The following INPP5A variants were observed in gnomAD, a reference collection of about 807,000 sequenced individuals.
INPP5A encodes inositol polyphosphate-5-phosphatase A.
Under a neutral mutation model 65.2 loss-of-function variants are expected in INPP5A, and 14 were observed. The observed-to-expected ratio is 0.21, with a 90% confidence interval of 0.14 to 0.34. The LOEUF (loss-of-function observed/expected upper bound fraction) is 0.34, where lower values mean the gene tolerates loss of function less well. Ranked by LOEUF, INPP5A falls within the 10% of genes least tolerant of loss-of-function variation. The pLI, the probability that INPP5A is intolerant of heterozygous loss-of-function variation, is 1.00. For missense variants in INPP5A, 431 were observed against 545.6 expected, an observed-to-expected ratio of 0.79 and a Z score of 2.09; for synonymous variants, 207 against 208.3, an observed-to-expected ratio of 0.99 and a Z score of 0.05.
intron 7 of INPP5A, among the ~76,000 whole-genome samples, chr10:132,710,093 A>T (rs1466047411): frequency 1.3e-5 from 2 of 152,276 alleles, no homozygotes; most frequent in African/African-American, 2.4e-5. Context: ...TTTAAAGAAA[A>T]GTAGCTCACT....
intron 11 of INPP5A, among the ~76,000 whole-genome samples, chr10:132,750,311 C>T (rs1370662662): frequency 6.6e-6 from 1 of 152,200 alleles, no homozygotes; most frequent in African/African-American, 2.4e-5. Context: ...CACATGTGCA[C>T]GTGAGTGCGT....
At chr10:132,693,382 G>C (rs1425178032) in intron 5 of INPP5A, among the ~76,000 whole-genome samples, 1 of 152,140 alleles carries the variant, frequency 6.6e-6, no homozygotes, top group Non-Finnish European at 1.5e-5. Flanking sequence ...GAGACTGTCA[G>C]AGTGGATTAA....
Position 132,697,954 on chromosome 10 carries a change from T to G in INPP5A, c.474+35T>G, listed in dbSNP as rs1157159296. 2 of 1,395,592 alleles carry G rather than the reference T, an allele frequency of 1.4e-6. No individual in the cohort carries two copies. Among genetic ancestry groups the G allele is most frequent in the African/African-American group, 1.4e-5 (1 of 70,640 alleles). The allele number at this position is 1,395,592 out of a possible 1,614,324, so 86.5% of individuals were successfully genotyped here. On this transcript the variant is annotated intron_variant, in intron 6 of 15. Coordinates refer to ENST00000368594, the MANE Select transcript of INPP5A (RefSeq NM_005539.5). The surrounding 1 kb of genome is among the most constrained non-coding windows in gnomAD (Gnocchi z 5.6). ...GAGGCTTTCTCACTGACGTGTTTAC[T>G]TCTCAGAGTGAGCCAGTCAGAAGTG... is the stretch of plus-strand genomic sequence containing the variant.
chr10:132,758,670 C>T (rs1846676100), intron 11 of INPP5A, among the ~76,000 whole-genome samples: 1 of 152,362 alleles, frequency 6.6e-6, no homozygotes, highest in East Asian at 1.9e-4. Context: ...CCAGCTGACC[C>T]CAGCTCGGCT....
Position 132,749,877 on chromosome 10 carries a change from C to G in INPP5A, c.903+32C>G, listed in dbSNP as rs751870133. ...TTGTGGTCCAATGTGGCAGCTCCCC[C>G]GTCCTGGGACATCCACGCCCCCAGG... On this transcript the variant is annotated intron_variant, in intron 11 of 15. Coordinates refer to ENST00000368594, the MANE Select transcript of INPP5A (RefSeq NM_005539.5). 1.0e-5 allele frequency: 16 copies of G among 1,585,786 alleles called. No homozygotes were observed. In the African/African-American group the frequency reaches 1.7e-4, roughly 17 times the overall value.
At chr10:132,716,637 C>T (rs1043549446) in intron 8 of INPP5A, among the ~76,000 whole-genome samples, 2 of 152,212 alleles carry the variant, frequency 1.3e-5, no homozygotes, top group Non-Finnish European at 2.9e-5. Flanking sequence ...TGAACCCCAG[C>T]GTCACCACTG....
In INPP5A at chr10:132,587,745, T is replaced by C. The variant is rs1334527262; in HGVS notation, c.76-20170T>C. On this transcript the variant is annotated intron_variant, in intron 1 of 15. Transcript: ENST00000368594. This position sits in a 1 kb window ranked among gnomAD's most constrained non-coding sequence, Gnocchi z 4.3. The stretch of plus-strand genomic sequence containing the variant: ...TTGGCCGGGCATGGTGGCTCATGCC[T>C]GTAATCCCCCAGCACTTTGGGAGGC... 6.6e-6 allele frequency among the ~76,000 whole-genome samples: 1 copy of C among 152,194 alleles called. No individual in the cohort carries two copies. The highest frequency in any genetic ancestry group is 6.5e-5 in the Admixed American group (1 of 15,282).
intron 1 of INPP5A, among the ~76,000 whole-genome samples, chr10:132,584,788 T>C (rs1443939775): frequency 6.6e-6 from 1 of 152,194 alleles, no homozygotes; most frequent in African/African-American, 2.4e-5. Context: ...CAGGCTAGAG[T>C]GCAGTGGCCC....
At position 132,603,710 on chromosome 10, in the gene INPP5A, C is replaced by G. The variant is rs2071804137; in HGVS notation, c.76-4205C>G. The stretch of plus-strand genomic sequence containing the variant: ...TCATGATTCTTAGGCAGCCTCTCAG[C>G]TCCTGGGCCCCACTTGCTGATTTAA... On this transcript the variant is annotated intron_variant, in intron 1 of 15. Transcript: ENST00000368594. The surrounding 1 kb of genome is among the most constrained non-coding windows in gnomAD (Gnocchi z 4.2). Among the ~76,000 whole-genome samples, 1 of 152,188 alleles carries G rather than the reference C, an allele frequency of 6.6e-6. No homozygotes were observed. The highest frequency in any genetic ancestry group is 2.4e-5 in the African/African-American group (1 of 41,438).
intron 11 of INPP5A, among the ~76,000 whole-genome samples, chr10:132,754,332 G>A (rs1235569236): frequency 6.6e-6 from 1 of 152,256 alleles, no homozygotes; most frequent in African/African-American, 2.4e-5. Flanking sequence ...CGTGTCCAAT[G>A]AGGATGGAGG....
chr10:132,554,626 AC>A (rs1361517174), intron 1 of INPP5A, among the ~76,000 whole-genome samples: 2 of 150,304 alleles, frequency 1.3e-5, no homozygotes, highest in African/African-American at 4.9e-5. Context: ...CATGATTAGC[AC>A]TGATGTGGGT....
intron 1 of INPP5A, among the ~76,000 whole-genome samples, chr10:132,597,071 GTGTGTGCGTGTGTGTA>G (rs1374442706): frequency 6.6e-6 from 1 of 151,610 alleles, no homozygotes; most frequent in African/African-American, 2.4e-5. Context: ...GCTCCTGTAC[GTGTGTGCGTGTGTGTA>G]TGTGTGCATG....
rs905279794 is a variant in INPP5A, at chr10:132,663,964, C to A, written c.306+13459C>A. ...ACAGGCGTGATCGAGTGCCGTGTCA[C>A]ACGCAGCCCAGGAAACAAACACGCC... On this transcript the variant is annotated intron_variant, in intron 4 of 15. Coordinates refer to ENST00000368594, the MANE Select transcript of INPP5A (RefSeq NM_005539.5). The surrounding 1 kb of genome is among the most constrained non-coding windows in gnomAD (Gnocchi z 4.5). Among the ~76,000 whole-genome samples the A allele has an allele frequency of 2.0e-5, 3 of 152,260 alleles. No individual in the cohort carries two copies. The highest frequency in any genetic ancestry group is 2.9e-5 in the Non-Finnish European group (2 of 68,046).
intron 8 of INPP5A, among the ~76,000 whole-genome samples, chr10:132,720,777 A>G (rs867983571): frequency 2.8e-3 from 293 of 103,314 alleles, no homozygotes; most frequent in Middle Eastern, 6.8e-3. Context: ...GTTCTGTGGT[A>G]CCTGGGTTCT....
At position 132,681,826 on chromosome 10, in the gene INPP5A, G is replaced by A. The variant is rs552559431; in HGVS notation, c.307-8566G>A. Among the ~76,000 whole-genome samples the A allele has an allele frequency of 7.9e-5, 12 of 152,188 alleles. No homozygotes were observed. The South Asian group carries it at 1.7e-3, about 21-fold the overall frequency. Reference sequence around the variant, plus strand: ...AGTATTATTCACAACTGCAAAATGCGGAAGCAGTACCATGGAATATGACCC... The same window carrying A: ...AGTATTATTCACAACTGCAAAATGCAGAAGCAGTACCATGGAATATGACCC... On this transcript the variant is annotated intron_variant, in intron 4 of 15. Coordinates refer to ENST00000368594, the MANE Select transcript of INPP5A (RefSeq NM_005539.5).
intron 1 of INPP5A, among the ~76,000 whole-genome samples, chr10:132,559,099 G>A (rs1164428913): frequency 2.0e-5 from 3 of 152,202 alleles, no homozygotes; most frequent in South Asian, 2.1e-4. Flanking sequence ...GAGCTTGCCC[G>A]GCTGGCCACT....
rs1001392961 is a variant in INPP5A, at chr10:132,545,228, C to T, written c.75+7057C>T. ...GAAGAGGCTGGTACTGGGGTGTTTC[C>T]GTGGACTTGTTGGGTCTGATTCAGA... On this transcript the variant is annotated intron_variant, in intron 1 of 15. Coordinates refer to ENST00000368594, the MANE Select transcript of INPP5A (RefSeq NM_005539.5). This position sits in a 1 kb window ranked among gnomAD's most constrained non-coding sequence, Gnocchi z 4.6. Among the ~76,000 whole-genome samples, 6 of 152,076 alleles carry T rather than the reference C, an allele frequency of 3.9e-5. No homozygotes were observed. Among genetic ancestry groups the T allele is most frequent in the East Asian group, 3.9e-4 (2 of 5,186 alleles).
intron 8 of INPP5A, among the ~76,000 whole-genome samples, chr10:132,715,806 G>T (rs1431575000): frequency 1.3e-5 from 2 of 152,196 alleles, no homozygotes; most frequent in African/African-American, 4.8e-5. Flanking sequence ...CTTGCTGGTC[G>T]TGGGCTCGTC....
rs1004098791 is a variant in INPP5A, at chr10:132,616,336, C to T, written c.117+8380C>T. Among the ~76,000 whole-genome samples the T allele has an allele frequency of 1.1e-4, 16 of 151,796 alleles. No individual in the cohort carries two copies. Among genetic ancestry groups the T allele is most frequent in the African/African-American group, 3.4e-4 (14 of 41,292 alleles). ...TGGGGCATGTGGCGTGCAGGGACGC[C>T]GTGGGCGTGGTGTGGGGCACGTGGC... is the stretch of plus-strand genomic sequence containing the variant. On this transcript the variant is annotated intron_variant, in intron 2 of 15. Coordinates refer to ENST00000368594, the MANE Select transcript of INPP5A (RefSeq NM_005539.5). This position sits in a 1 kb window ranked among gnomAD's most constrained non-coding sequence, Gnocchi z 4.9.
Sources: gnomAD v4.1 joint callset for allele counts (sites outside exome capture counted in the v4.1 genomes callset) on GRCh38, gnomAD v4.1.1 for gene constraint, Gnocchi (gnomAD v3.1) non-coding constraint, MANE v1.5 for transcripts, NCBI Gene and HGNC (gene_info 2026-07-23, HGNC 2026-07-21) for gene names.